The following CCDC81 variants were observed in gnomAD, a reference collection of about 807,000 sequenced individuals.
The protein encoded by CCDC81 is coiled-coil domain containing 81.
A neutral mutation model predicts 83.7 loss-of-function variants in CCDC81; 79 were observed. That is an observed-to-expected ratio of 0.94 (90% CI 0.79 to 1.14). CCDC81 has a LOEUF of 1.14. CCDC81 is among the 50% of genes most tolerant of loss of function. The probability of loss-of-function intolerance (pLI) is 0.00; values close to 1 mark genes in which losing one functional copy is unlikely to be tolerated. For missense variants in CCDC81, 791 were observed against 778.1 expected, an observed-to-expected ratio of 1.02 and a Z score of -0.20; for synonymous variants, 252 against 278.1, an observed-to-expected ratio of 0.91 and a Z score of 0.93.
intron 9 of CCDC81, 61 bp from the exon 10 acceptor site, chr11:86,409,200 G>T: frequency 2.5e-6 from 2 of 787,964 alleles, no homozygotes; most frequent in Non-Finnish European, 3.7e-6. Context: ...ATTTTTGGGG[G>T]CTCCACTTCA....
At chr11:86,375,265 G>A in intron 1 of CCDC81, 23 bp downstream of exon 1, 1 of 1,593,286 alleles carries the variant, frequency 6.3e-7, no homozygotes, top group Non-Finnish European at 8.5e-7. Flanking sequence ...GGTAGCAGGG[G>A]GTGGCCCTGG....
Position 86,387,620 on chromosome 11 carries a change from G to A in CCDC81, c.246G>A (p.Val82=). The change falls in exon 3 of 15, where the codon GTG becomes GTA. Residue 82 remains valine (V), a synonymous_variant. Coordinates refer to ENST00000445632, the MANE Select transcript of CCDC81 (RefSeq NM_001156474.2). ...ILIQRPVFIM[V]EKLVQIHGLK... ...TCCAGAGGCCTGTGTTTATCATGGTGGAGAAGCTAGTGCAGATTCATGGAC... is the reference window on the plus strand; with the variant it reads ...TCCAGAGGCCTGTGTTTATCATGGTAGAGAAGCTAGTGCAGATTCATGGAC... 6.2e-7 allele frequency: 1 copy of A among 1,611,410 alleles called. No homozygotes were observed. Among genetic ancestry groups the A allele is most frequent in the Non-Finnish European group, 8.5e-7 (1 of 1,177,676 alleles).
chr11:86,403,296 TA>T (rs1284502576), intron 7 of CCDC81, among the ~76,000 whole-genome samples: 1 of 152,150 alleles, frequency 6.6e-6, no homozygotes, highest in East Asian at 1.9e-4. Flanking sequence ...TCATATATCA[TA>T]AGTATGAATA....
At chr11:86,406,290 G>A (rs1363704764) in intron 7 of CCDC81, among the ~76,000 whole-genome samples, 1 of 152,066 alleles carries the variant, frequency 6.6e-6, no homozygotes, top group Non-Finnish European at 1.5e-5. Context: ...TGCAACGTCC[G>A]AATCAATCTG....
rs1299332629 is a variant in CCDC81 at position 86,415,238 on chromosome 11, A to G, written c.1616A>G (p.His539Arg). 3.1e-6 allele frequency: 5 copies of G among 1,614,072 alleles called. No individual in the cohort carries two copies. Among genetic ancestry groups the G allele is most frequent in the Non-Finnish European group, 4.2e-6 (5 of 1,180,042 alleles). Reference protein sequence around the residue: ...MKHQLEAAANHKRKAILHQLV... With the variant: ...MKHQLEAAANRKRKAILHQLV... ...CACCAGCTGGAGGCAGCTGCTAACC[A>G]CAAGAGGAAAGCCATCCTGCATCAA... Residue 539 changes from histidine (H) to arginine (R), a missense_variant, in exon 13 of 15, where the codon CAC becomes CGC. By Grantham distance (29) the His-to-Arg change is conservative. Coordinates refer to ENST00000445632, the MANE Select transcript of CCDC81 (RefSeq NM_001156474.2).
chr11:86,408,122 T>C lies in CCDC81; in HGVS notation c.970-5T>C. On this transcript the variant is annotated splice_polypyrimidine_tract_variant and splice_region_variant and intron_variant, in intron 8 of 14. Coordinates refer to ENST00000445632, the MANE Select transcript of CCDC81 (RefSeq NM_001156474.2). Reference sequence around the variant, plus strand: ...ATTTATTTGTCCTGAAATTTGGGATTGTAGGAAATGTGCTATGTATGTTTG... The same window carrying C: ...ATTTATTTGTCCTGAAATTTGGGATCGTAGGAAATGTGCTATGTATGTTTG... The C allele has an allele frequency of 1.9e-6, 3 of 1,602,348 alleles. No homozygotes were observed. Among genetic ancestry groups the C allele is most frequent in the Non-Finnish European group, 2.5e-6 (3 of 1,176,880 alleles).
At chr11:86,412,313 ATCTTAGTC>A in intron 10 of CCDC81, 66 bp from the exon 11 acceptor site, 1 of 1,157,538 alleles carries the variant, frequency 8.6e-7, no homozygotes, top group Non-Finnish European at 1.2e-6. Flanking sequence ...TTTCTGATTT[ATCTTAGTC>A]TTCTGAATTA....
At chr11:86,377,945 G>T (rs1593903775) in intron 1 of CCDC81, among the ~76,000 whole-genome samples, 1 of 138,838 alleles carries the variant, frequency 7.2e-6, no homozygotes, top group East Asian at 2.2e-4. Context: ...TTTTGTGAAA[G>T]GTGTAAGGTC....
rs377181429 is a variant in CCDC81 at position 86,400,702 on chromosome 11, G to C, written c.782G>C (p.Arg261Pro). The C allele has an allele frequency of 1.9e-6, 3 of 1,611,514 alleles. No homozygotes were observed. The highest frequency in any genetic ancestry group is 1.3e-5 in the African/African-American group (1 of 74,862). Reference sequence around the variant, plus strand: ...GATATCTCATCACCCAAAAGACTTCGAGATAGACAAGCTTTGTTCCCTGCC... The same window carrying C: ...GATATCTCATCACCCAAAAGACTTCCAGATAGACAAGCTTTGTTCCCTGCC... Reference protein sequence around the residue: ...TRDISSPKRLRDRQALFPAKV... With the variant: ...TRDISSPKRLPDRQALFPAKV... The change falls in exon 7 of 15, where the codon CGA (arginine) becomes CCA (proline). Residue 261 changes from arginine to proline, a missense_variant. Arg to Pro is a moderately radical substitution (Grantham distance 103). Coordinates refer to ENST00000445632, the MANE Select transcript of CCDC81 (RefSeq NM_001156474.2).
chr11:86,386,083 T>C lies in CCDC81; in HGVS notation c.112T>C (p.Phe38Leu). 1.3e-6 allele frequency: 2 copies of C among 1,515,572 alleles called. No homozygotes were observed. Among genetic ancestry groups the C allele is most frequent in the African/African-American group, 1.4e-5 (1 of 71,400 alleles). 93.9% of individuals were successfully genotyped at this position (1,515,572 alleles called of 1,614,324 possible). ...TATTATCTGGGGGAATGTATCAGAA[T>C]TTGTGAGACGGCAGTTAACCCTGCA... ...VSIIWGNVSE[F>L]VRRQLTLHKG... Residue 38 changes from phenylalanine to leucine, a missense_variant, in exon 2 of 15, where the codon TTT becomes CTT. Phe to Leu is a conservative substitution (Grantham distance 22). Coordinates refer to ENST00000445632, the MANE Select transcript of CCDC81 (RefSeq NM_001156474.2).
chr11:86,420,178 T>C lies in CCDC81; in HGVS notation c.1817+125T>C. ...CCTTGTGGAGAAAGCAAGTCTGTAT[T>C]CCATGGGAAATACTGCCGTGATTGA... On this transcript the variant is annotated intron_variant, in intron 14 of 14. Coordinates refer to ENST00000445632, the MANE Select transcript of CCDC81 (RefSeq NM_001156474.2). 4 of 1,108,010 alleles carry C rather than the reference T, an allele frequency of 3.6e-6. No homozygotes were observed. In the African/African-American group the frequency reaches 4.7e-5, roughly 13 times the overall value. The allele number at this position is 1,108,010 out of a possible 1,614,324, so 68.6% of individuals were successfully genotyped here.
At chr11:86,379,035 A>C (rs1204271878) in intron 1 of CCDC81, among the ~76,000 whole-genome samples, 1 of 150,648 alleles carries the variant, frequency 6.6e-6, no homozygotes, top group African/African-American at 2.4e-5. Context: ...TGTTTTTTGT[A>C]CCCATCTTTA....
At chr11:86,406,630 C>T (rs915167153) in intron 7 of CCDC81, among the ~76,000 whole-genome samples, 2 of 152,044 alleles carry the variant, frequency 1.3e-5, no homozygotes, top group Non-Finnish European at 1.5e-5. Context: ...TATGGTGAAA[C>T]CCCGTCTCTA....
At chr11:86,419,148 T>C (rs1318342112) in intron 13 of CCDC81, 2 of 152,352 alleles carry the variant, frequency 1.3e-5, no homozygotes, top group East Asian at 1.9e-4. Context: ...CACAAAGCCC[T>C]TCAGAGCAGG....
chr11:86,415,192 C>A lies in CCDC81; in HGVS notation c.1570C>A (p.Arg524=), dbSNP rs147662103. 1.9e-6 allele frequency: 3 copies of A among 1,614,104 alleles called. No individual in the cohort carries two copies. The highest frequency in any genetic ancestry group is 2.5e-6 in the Non-Finnish European group (3 of 1,180,026). The change falls in exon 13 of 15, where the codon CGA becomes AGA. Residue 524 remains arginine (R), a synonymous_variant. Transcript: ENST00000445632. ...EGELMVEKQK[R]EQNYMKHQLE... The stretch of plus-strand genomic sequence containing the variant: ...TGAACTGATGGTGGAAAAGCAAAAG[C>A]GAGAACAAAATTACATGAAACACCA...
At position 86,415,252 on chromosome 11, in the gene CCDC81, ATC is replaced by A; in HGVS notation, c.1631_1632del (p.Ile544ThrfsTer28). 6.2e-7 allele frequency: 1 copy of A among 1,614,248 alleles called. No individual in the cohort carries two copies. Among genetic ancestry groups the A allele is most frequent in the Non-Finnish European group, 8.5e-7 (1 of 1,180,046 alleles). ...AGCTGCTAACCACAAGAGGAAAGCC[ATC>A]CTGCATCAACTAGTGGACCAGAGGC... is the stretch of plus-strand genomic sequence containing the variant. ...EAAANHKRKAILHQLVDQRRD... is the reference protein window; with the variant it reads ...EAAANHKRKAXLHQLVDQRRD... On this transcript the variant is annotated frameshift_variant, in exon 13 of 15. Coordinates refer to ENST00000445632, the MANE Select transcript of CCDC81 (RefSeq NM_001156474.2). LOFTEE classifies it high-confidence loss of function.
chr11:86,418,019 C>T (rs1476562777), intron 13 of CCDC81, among the ~76,000 whole-genome samples: 2 of 152,180 alleles, frequency 1.3e-5, no homozygotes, highest in Non-Finnish European at 2.9e-5. Flanking sequence ...TTGTCCCCTG[C>T]ACAATCTCTG....
intron 1 of CCDC81, among the ~76,000 whole-genome samples, chr11:86,379,243 C>T (rs1446619673): frequency 6.6e-6 from 1 of 151,992 alleles, no homozygotes; most frequent in African/African-American, 2.4e-5. Flanking sequence ...ACCACAGGCA[C>T]CCGCCACCAT....
chr11:86,402,468 C>A (rs1342241115), intron 7 of CCDC81, among the ~76,000 whole-genome samples: 10 of 152,150 alleles, frequency 6.6e-5, no homozygotes, highest in African/African-American at 2.2e-4. Context: ...AATTGCACAT[C>A]ATCTTAATGA....
Sources: allele counts gnomAD v4.1 joint callset (sites outside exome capture counted in the v4.1 genomes callset), GRCh38; gene constraint gnomAD v4.1.1; transcripts MANE v1.5; gene names NCBI Gene and HGNC (gene_info 2026-07-23, HGNC 2026-07-21).